Variants in NWD2 observed in about 807,000 individuals in gnomAD.
NWD2 encodes the protein NACHT and WD repeat domain-containing protein 2.
A neutral mutation model predicts 132.7 loss-of-function variants in NWD2; 37 were observed. That is an observed-to-expected ratio of 0.28 (90% CI 0.21 to 0.37). The LOEUF (loss-of-function observed/expected upper bound fraction) is 0.37. Ranked by LOEUF, NWD2 falls within the 10% of genes least tolerant of loss-of-function variation. The pLI, the probability that NWD2 is intolerant of heterozygous loss-of-function variation, is 1.00. For synonymous variants in NWD2, 705 were observed against 803.0 expected (o/e 0.88, Z 2.06); for missense variants, 1,592 against 2,122.4 (o/e 0.75, Z 4.91).
chr4:37,380,130 G>C (rs1419291402), intron 3 of NWD2, among the ~76,000 whole-genome samples: 1 of 152,226 alleles, frequency 6.6e-6, no homozygotes, highest in Admixed American at 6.5e-5. Flanking sequence ...GTGAGTTGCA[G>C]GTATTGTTAT....
At chr4:37,259,001 G>T (rs374831822) in intron 1 of NWD2, among the ~76,000 whole-genome samples, 1 of 152,148 alleles carries the variant, frequency 6.6e-6, no homozygotes, top group African/African-American at 2.4e-5. Context: ...AACACTCCAC[G>T]GACCTCAAAA....
chr4:37,316,827 C>A (rs28537853), intron 1 of NWD2, among the ~76,000 whole-genome samples: 11,040 of 152,066 alleles, frequency 0.073, 1,225 homozygotes, highest in African/African-American at 0.24. Flanking sequence ...ATTTCTTAAA[C>A]ATTGGATATT....
At chr4:37,245,452 T>TC (rs917978241) in intron 1 of NWD2, among the ~76,000 whole-genome samples, 1 of 151,920 alleles carries the variant, frequency 6.6e-6, no homozygotes, top group Non-Finnish European at 1.5e-5. Flanking sequence ...CCCGGGTTAT[T>TC]CCCCTGGGTC....
intron 1 of NWD2, among the ~76,000 whole-genome samples, chr4:37,313,009 G>A (rs563299428): frequency 7.3e-5 from 11 of 151,228 alleles, no homozygotes; most frequent in South Asian, 4.1e-4. Flanking sequence ...GCTTTTTGAT[G>A]TGCTGCTGGA....
chr4:37,357,586 C>T (rs887444257), intron 3 of NWD2, among the ~76,000 whole-genome samples: 7 of 152,050 alleles, frequency 4.6e-5, no homozygotes, highest in African/African-American at 1.7e-4. Flanking sequence ...TTGACCCATA[C>T]GAAATTGTTA....
intron 3 of NWD2, among the ~76,000 whole-genome samples, chr4:37,357,287 C>A (rs1488465933): frequency 1.3e-5 from 2 of 151,978 alleles, no homozygotes; most frequent in East Asian, 1.9e-4. Flanking sequence ...GAAAAAAAAT[C>A]ACACCGTACT....
At chr4:37,432,145 A>G (rs1233260000) in intron 4 of NWD2, among the ~76,000 whole-genome samples, 4 of 152,054 alleles carry the variant, frequency 2.6e-5, no homozygotes, top group Non-Finnish European at 5.9e-5. Context: ...TCATCAAACA[A>G]TGCCTCTCTT....
chr4:37,323,566 T>G (rs1226137213), intron 1 of NWD2, among the ~76,000 whole-genome samples: 2 of 151,742 alleles, frequency 1.3e-5, no homozygotes, highest in African/African-American at 4.8e-5. Flanking sequence ...CTGCAGAGAG[T>G]AGGGAATGCT....
chr4:37,245,344 C>A, intron 1 of NWD2, 126 bp downstream of exon 1: 1 of 1,142,012 alleles, frequency 8.8e-7, no homozygotes, highest in Non-Finnish European at 1.2e-6. Flanking sequence ...AAAGCCGTGG[C>A]CGCCCTGAGC....
chr4:37,276,656 A>C (rs1489518099), intron 1 of NWD2, among the ~76,000 whole-genome samples: 1 of 152,152 alleles, frequency 6.6e-6, no homozygotes, highest in East Asian at 1.9e-4. Context: ...AGAGGATTAT[A>C]AATCATGCTG....
rs1364930820 is a variant in NWD2 at position 37,443,910 on chromosome 4, G to C, written c.1922G>C (p.Ser641Thr). ...ESSLSVTVHE[S>T]IEQLFWSLEK... ...TCCCTCTCTGTCACCGTTCATGAAAGTATAGAGCAGTTATTCTGGTCCTTG... is the reference window on the plus strand; with the variant it reads ...TCCCTCTCTGTCACCGTTCATGAAACTATAGAGCAGTTATTCTGGTCCTTG... The change falls in exon 7 of 7, where the codon AGT becomes ACT. Residue 641 changes from serine to threonine, a missense_variant. This residue lies in a region of NWD2 where 1,071 missense variants were observed against 1,398.0 expected (regional missense o/e 0.77). Coordinates refer to ENST00000309447, the MANE Select transcript of NWD2 (RefSeq NM_001144990.2). The surrounding 1 kb of genome is among the most constrained non-coding windows in gnomAD (Gnocchi z 4.1). The C allele has an allele frequency of 6.4e-7, 1 of 1,552,374 alleles. No homozygotes were observed. Among genetic ancestry groups the C allele is most frequent in the South Asian group, 1.2e-5 (1 of 84,064 alleles).
chr4:37,409,582 T>C (rs1417986831), intron 3 of NWD2, among the ~76,000 whole-genome samples: 1 of 152,140 alleles, frequency 6.6e-6, no homozygotes, highest in Admixed American at 6.5e-5. Flanking sequence ...AAAACACTTT[T>C]CAGGATATTA....
At chr4:37,326,112 C>A in intron 2 of NWD2, 88 bp downstream of exon 2, 2 of 830,578 alleles carry the variant, frequency 2.4e-6, no homozygotes, top group Non-Finnish European at 3.8e-6. Flanking sequence ...TTGTAAAAGA[C>A]AAGTTTTAGG....
intron 3 of NWD2, among the ~76,000 whole-genome samples, chr4:37,368,895 T>C (rs962583428): frequency 6.6e-6 from 1 of 152,192 alleles, no homozygotes; most frequent in Non-Finnish European, 1.5e-5. Flanking sequence ...TTCAAGAGGC[T>C]AGAAACAAGA....
chr4:37,322,250 C>T (rs192184962), intron 1 of NWD2, among the ~76,000 whole-genome samples: 1 of 152,148 alleles, frequency 6.6e-6, no homozygotes, highest in East Asian at 1.9e-4. Flanking sequence ...GAGGGAGGCA[C>T]ACAATAAACA....
intron 3 of NWD2, among the ~76,000 whole-genome samples, chr4:37,364,610 G>A (rs76106497): frequency 0.024 from 3,618 of 151,954 alleles, 166 homozygotes; most frequent in African/African-American, 0.082. Context: ...GAGTAAAGAA[G>A]CAGCAGAGAC....
chr4:37,422,654 A>G (rs1711855492), intron 3 of NWD2, among the ~76,000 whole-genome samples: 1 of 152,204 alleles, frequency 6.6e-6, no homozygotes, highest in Admixed American at 6.5e-5. Flanking sequence ...TGTATTGCCA[A>G]GTGCTTTACA....
chr4:37,388,491 G>A (rs1323741267), intron 3 of NWD2, among the ~76,000 whole-genome samples: 3 of 151,958 alleles, frequency 2.0e-5, no homozygotes. Flanking sequence ...GCCGACAGCT[G>A]TAGTTTTTAA....
rs151044727 is a variant in NWD2, at chr4:37,446,694, G to A, written c.4706G>A (p.Arg1569Gln). ...GTTCACGCCTCTGGGATCATCTGGC[G>A]GCAGAGGTTGTCTCGGGATGGTCGC... ...RVVHASGIIW[R>Q]QRLSRDGRYL... is the part of the protein sequence containing the mutation. Residue 1569 changes from arginine to glutamine, a missense_variant, in exon 7 of 7, where the codon CGG (arginine) becomes CAG (glutamine). By Grantham distance (43) the Arg-to-Gln change is conservative. This residue lies in a region of NWD2 where 257 missense variants were observed against 335.0 expected (regional missense o/e 0.77). Transcript: ENST00000309447. This position sits in a 1 kb window ranked among gnomAD's most constrained non-coding sequence, Gnocchi z 6.7. The A allele has an allele frequency of 5.2e-5, 81 of 1,551,548 alleles. No homozygotes were observed. The East Asian group carries it at 1.7e-3, about 33-fold the overall frequency.
Sources: allele counts gnomAD v4.1 joint callset (sites outside exome capture counted in the v4.1 genomes callset), GRCh38; gene constraint gnomAD v4.1.1; regional missense constraint gnomAD v4.1.1; non-coding constraint Gnocchi (gnomAD v3.1); transcripts MANE v1.5; gene names NCBI Gene and HGNC (gene_info 2026-07-23, HGNC 2026-07-21).